The following C6orf118 variants were observed in gnomAD, a reference collection of about 807,000 sequenced individuals.
The protein encoded by C6orf118 is uncharacterized protein C6orf118.
In C6orf118, 50 loss-of-function variants were observed where a neutral mutation model predicts 50.2. The observed-to-expected ratio is 1.00, with a 90% CI of 0.79 to 1.26. The LOEUF (loss-of-function observed/expected upper bound fraction) is 1.26, where lower values mean the gene tolerates loss of function less well. C6orf118 is among the 50% of genes most tolerant of loss of function. The probability of loss-of-function intolerance (pLI) is 0.00; values close to 1 mark genes in which losing one functional copy is unlikely to be tolerated. For missense variants in C6orf118, 641 were observed against 578.7 expected, an observed-to-expected ratio of 1.11 and a Z score of -1.10; for synonymous variants, 239 against 230.9, an observed-to-expected ratio of 1.03 and a Z score of -0.32.
chr6:165,306,855 A>C (rs2128165666), intron 1 of C6orf118, among the ~76,000 whole-genome samples: 1 of 152,330 alleles, frequency 6.6e-6, no homozygotes, highest in South Asian at 2.1e-4. Flanking sequence ...TTCTTGTAAT[A>C]TATGCCATGA....
intron 5 of C6orf118, 49 bp from the exon 6 acceptor site, chr6:165,293,520 C>A: frequency 1.4e-6 from 2 of 1,476,538 alleles, no homozygotes; most frequent in Non-Finnish European, 1.9e-6. Flanking sequence ...CCCATTATAT[C>A]TTTTGTCTTT....
intron 1 of C6orf118, 85 bp from the exon 2 acceptor site, chr6:165,302,381 C>T (rs1477515421): frequency 1.3e-6 from 2 of 1,500,710 alleles, no homozygotes; most frequent in Non-Finnish European, 1.8e-6. Context: ...GAGGCGTAGC[C>T]CCTGACCAAA....
chr6:165,283,483 GCAGT>G (rs1779801598), intron 7 of C6orf118, among the ~76,000 whole-genome samples: 1 of 152,228 alleles, frequency 6.6e-6, no homozygotes, highest in African/African-American at 2.4e-5. Context: ...CCACCAAGGG[GCAGT>G]CAGAGTGCTT....
In C6orf118 at chr6:165,289,996, C is replaced by G; in HGVS notation, c.1192G>C (p.Glu398Gln). The G allele has an allele frequency of 6.2e-7, 1 of 1,610,782 alleles. No homozygotes were observed. The highest frequency in any genetic ancestry group is 1.3e-5 in the African/African-American group (1 of 74,928). ...LTEKVEKKRC[E>Q]ILSKWDEIQA... ...ATCTCATCCCACTTACTGAGTATTT[C>G]ACACCTCTTCTTTTCAACCTTCTCA... The change falls in exon 7 of 9, where the codon GAA (glutamate) becomes CAA (glutamine). Residue 398 changes from glutamate (E) to glutamine (Q), a missense_variant. By Grantham distance (29) the Glu-to-Gln change is conservative (BLOSUM62 2). Coordinates refer to ENST00000230301, the MANE Select transcript of C6orf118 (RefSeq NM_144980.4).
chr6:165,287,713 G>C (rs1238019421), intron 7 of C6orf118, among the ~76,000 whole-genome samples: 3 of 152,098 alleles, frequency 2.0e-5, no homozygotes, highest in Admixed American at 6.6e-5. Flanking sequence ...AATAGTGCTG[G>C]GATAACTGGC....
chr6:165,290,578 C>G (rs762248730), intron 6 of C6orf118, among the ~76,000 whole-genome samples: 26 of 152,110 alleles, frequency 1.7e-4, no homozygotes, highest in South Asian at 6.2e-4. Context: ...GAGGGACAAT[C>G]CTAGGAGGGA....
Position 165,302,315 on chromosome 6 carries a change from G to C in C6orf118, c.26-19C>G. On this transcript the variant is annotated intron_variant, in intron 1 of 8. Coordinates refer to ENST00000230301, the MANE Select transcript of C6orf118 (RefSeq NM_144980.4). ...AGGTACACTGGTCAGAAAAGAAAAG[G>C]AGGCTCTTAGGGATCGCTCTTAGTT... is the stretch of plus-strand genomic sequence containing the variant. 2 of 1,604,248 alleles carry C rather than the reference G, an allele frequency of 1.2e-6. No homozygotes were observed. Among genetic ancestry groups the C allele is most frequent in the Non-Finnish European group, 1.7e-6 (2 of 1,177,648 alleles).
intron 7 of C6orf118, among the ~76,000 whole-genome samples, chr6:165,285,663 C>T (rs113605962): frequency 4.9e-4 from 74 of 152,212 alleles, no homozygotes; most frequent in African/African-American, 1.8e-3. Flanking sequence ...AATTGATCAA[C>T]CTGCTCCTGA....
In C6orf118 at chr6:165,300,412, AT is replaced by A; in HGVS notation, c.827del (p.Asp276ValfsTer7). Reference protein sequence around the residue: ...RLHVFGKVFEDICNSSLIFGD... With the variant: ...RLHVFGKVFEXICNSSLIFGD... ...CAAATATCAAAGAACTGTTACAAAT[AT>A]CTTCAAAGACTTTTCCAAAGACGTG... On this transcript the variant is annotated frameshift_variant, in exon 3 of 9. Transcript: ENST00000230301. LOFTEE classifies it high-confidence loss of function. The A allele has an allele frequency of 6.2e-7, 1 of 1,613,990 alleles. No homozygotes were observed. The highest frequency in any genetic ancestry group is 8.5e-7 in the Non-Finnish European group (1 of 1,179,860).
At chr6:165,293,509 C>T (rs763079368) in intron 5 of C6orf118, 38 bp from the exon 6 acceptor site, 2 of 1,552,980 alleles carry the variant, frequency 1.3e-6, no homozygotes, top group Non-Finnish European at 1.8e-6. Context: ...AATATTAGAT[C>T]CCCATTATAT....
intron 4 of C6orf118, among the ~76,000 whole-genome samples, chr6:165,299,022 G>C (rs552831813): frequency 6.6e-6 from 1 of 152,236 alleles, no homozygotes; most frequent in South Asian, 2.1e-4. Context: ...TGTTTAACCC[G>C]ACCCTGGAAG....
Position 165,279,952 on chromosome 6 carries a change from T to G in C6orf118, c.*105A>C. 14 of 1,167,272 alleles carry G rather than the reference T, an allele frequency of 1.2e-5. No individual in the cohort carries two copies. The highest frequency in any genetic ancestry group is 2.1e-4 in the Middle Eastern group (1 of 4,746). The allele number at this position is 1,167,272 out of a possible 1,614,324, so 72.3% of individuals were successfully genotyped here. The stretch of plus-strand genomic sequence containing the variant: ...TAATTTTACTAGAGATTAAAGCTGA[T>G]GAAATGAAATGTATCTTTATGAATG... On this transcript the variant is annotated 3_prime_UTR_variant, in exon 9 of 9. Coordinates refer to ENST00000230301, the MANE Select transcript of C6orf118 (RefSeq NM_144980.4).
In C6orf118 at chr6:165,298,078, C is replaced by A. The variant is rs761856449; in HGVS notation, c.960G>T (p.Ala320=). The A allele has an allele frequency of 6.2e-7, 1 of 1,607,656 alleles. No individual in the cohort carries two copies. The highest frequency in any genetic ancestry group is 1.1e-5 in the South Asian group (1 of 90,018). Residue 320 remains alanine (A), a synonymous_variant, in exon 5 of 9, where the codon GCG becomes GCT. Transcript: ENST00000230301. Reference sequence around the variant, plus strand: ...CCGTCTTCACCGGCCTCTGCCCCAGCGCCTTGAGTTGAGCCAGAAGAGCCT... The same window carrying A: ...CCGTCTTCACCGGCCTCTGCCCCAGAGCCTTGAGTTGAGCCAGAAGAGCCT... ...QYEALLAQLK[A]LGQRPVKTAD... is the part of the protein sequence containing the mutation.
chr6:165,281,324 C>A (rs1779723237), intron 8 of C6orf118, among the ~76,000 whole-genome samples: 1 of 152,158 alleles, frequency 6.6e-6, no homozygotes, highest in Non-Finnish European at 1.5e-5. Flanking sequence ...ACTGAGCATT[C>A]CAAAGCACAG....
chr6:165,301,995 C>G lies in C6orf118; in HGVS notation c.327G>C (p.Leu109=). Residue 109 remains leucine, a synonymous_variant, in exon 2 of 9, where the codon CTG becomes CTC. Transcript: ENST00000230301. ...AGKVARMKEA[L]AHFTIHTALV... is the part of the protein sequence containing the mutation. ...GGGCCGTGTGGATGGTGAAGTGGGCCAGGGCCTCCTTCATCCTCGCCACCT... is the reference window on the plus strand; with the variant it reads ...GGGCCGTGTGGATGGTGAAGTGGGCGAGGGCCTCCTTCATCCTCGCCACCT... 1.9e-6 allele frequency: 3 copies of G among 1,613,654 alleles called. No individual in the cohort carries two copies. Among genetic ancestry groups the G allele is most frequent in the Non-Finnish European group, 2.5e-6 (3 of 1,179,956 alleles).
intron 6 of C6orf118, 51 bp from the exon 7 acceptor site, chr6:165,290,118 T>C: frequency 9.1e-7 from 1 of 1,099,286 alleles, no homozygotes; most frequent in Non-Finnish European, 1.3e-6. Flanking sequence ...ATCTCAGTTA[T>C]TATTAATAGC....
At chr6:165,286,551 A>C (rs2095218) in intron 7 of C6orf118, among the ~76,000 whole-genome samples, 70,204 of 151,932 alleles carry the variant, frequency 0.46, 17,844 homozygotes, top group African/African-American at 0.68. Flanking sequence ...CAAACCGAAT[A>C]CAGCAGCACA....
intron 5 of C6orf118, among the ~76,000 whole-genome samples, chr6:165,295,562 G>A (rs918963822): frequency 2.6e-5 from 4 of 152,122 alleles, no homozygotes; most frequent in African/African-American, 9.7e-5. Context: ...CTGGACTAGT[G>A]ATTTGGAGTA....
chr6:165,307,569 AT>A (rs33945208), intron 1 of C6orf118, among the ~76,000 whole-genome samples: 27,629 of 148,722 alleles, frequency 0.19, 2,813 homozygotes, highest in African/African-American at 0.26. Context: ...AAAAAAAAAA[AT>A]TTTTTTTAAT....
Sources: gnomAD v4.1 joint callset for allele counts (sites outside exome capture counted in the v4.1 genomes callset) on GRCh38, gnomAD v4.1.1 for gene constraint, MANE v1.5 for transcripts, NCBI Gene and HGNC (gene_info 2026-07-23, HGNC 2026-07-21) for gene names.